The following XYLT1 variants were observed in gnomAD, a reference collection of about 807,000 sequenced individuals.
The protein encoded by XYLT1 is xylosyltransferase 1.
Under a neutral mutation model 91.3 loss-of-function variants are expected in XYLT1, and 36 were observed. The observed-to-expected ratio is 0.39, with a 90% CI of 0.30 to 0.52. The LOEUF is 0.52. Among genes scored for constraint, XYLT1 ranks in the 20% least tolerant of loss-of-function variants. The pLI, the probability that XYLT1 is intolerant of heterozygous loss-of-function variation, is 0.68. For synonymous variants in XYLT1, 588 were observed against 532.0 expected, an observed-to-expected ratio of 1.11 and a Z score of -1.45; for missense variants, 1,242 against 1,284.5, an observed-to-expected ratio of 0.97 and a Z score of 0.51.
At chr16:17,456,179 T>C (rs758535173) in intron 1 of XYLT1, among the ~76,000 whole-genome samples, 2 of 151,898 alleles carry the variant, frequency 1.3e-5, no homozygotes, top group Non-Finnish European at 2.9e-5. Context: ...TTCCTAGATG[T>C]CCACGTCCAC....
rs1007019245 is a variant in XYLT1 at position 17,380,687 on chromosome 16, A to G, written c.364-22637T>C. Reference sequence around the variant, plus strand: ...GTGAAAAGAAGGGGCTTGAACAGCTATTGGCATATCTGTGTTCAAAGCAGC... The same window carrying G: ...GTGAAAAGAAGGGGCTTGAACAGCTGTTGGCATATCTGTGTTCAAAGCAGC... On this transcript the variant is annotated intron_variant, in intron 1 of 11. Coordinates refer to ENST00000261381, the MANE Select transcript of XYLT1 (RefSeq NM_022166.4). Among the ~76,000 whole-genome samples the G allele has an allele frequency of 4.6e-5, 7 of 152,252 alleles. 1 individual carries two copies. The highest frequency in any genetic ancestry group is 2.9e-5 in the Non-Finnish European group (2 of 68,046).
intron 1 of XYLT1, among the ~76,000 whole-genome samples, chr16:17,418,466 A>G (rs1368087868): frequency 2.0e-5 from 3 of 152,196 alleles, no homozygotes; most frequent in Non-Finnish European, 2.9e-5. Context: ...TGGGAGGAAG[A>G]ATACAATATT....
intron 3 of XYLT1, among the ~76,000 whole-genome samples, chr16:17,240,858 GCA>G (rs1177640442): frequency 6.6e-6 from 1 of 152,172 alleles, no homozygotes; most frequent in Admixed American, 6.5e-5. Context: ...GAAAAATGAG[GCA>G]CACAGAGGTT....
chr16:17,133,025 C>T (rs1008442939), intron 9 of XYLT1, among the ~76,000 whole-genome samples: 8 of 152,170 alleles, frequency 5.3e-5, no homozygotes, highest in African/African-American at 1.9e-4. Flanking sequence ...AACCGAAGCT[C>T]AGAGAGATGA....
chr16:17,399,014 A>C (rs2035929136), intron 1 of XYLT1, among the ~76,000 whole-genome samples: 1 of 151,676 alleles, frequency 6.6e-6, no homozygotes, highest in African/African-American at 2.4e-5. Flanking sequence ...CTGGCTAATT[A>C]AAATGCCCCC....
chr16:17,159,016 C>T, intron 5 of XYLT1, 107 bp from the exon 6 acceptor site: 1 of 952,902 alleles, frequency 1.0e-6, no homozygotes, highest in Non-Finnish European at 1.7e-6. Flanking sequence ...AGCACCTTCT[C>T]TGATCATTTG....
chr16:17,264,430 T>C (rs983964740), intron 2 of XYLT1, among the ~76,000 whole-genome samples: 1 of 152,234 alleles, frequency 6.6e-6, no homozygotes, highest in Non-Finnish European at 1.5e-5. Context: ...GAAGCTAACA[T>C]CCATTGTGTG....
At chr16:17,196,729 C>A (rs1040025149) in intron 5 of XYLT1, among the ~76,000 whole-genome samples, 1 of 152,100 alleles carries the variant, frequency 6.6e-6, no homozygotes, top group African/African-American at 2.4e-5. Context: ...CCCTTGTCAG[C>A]AAATCCAGAT....
intron 11 of XYLT1, among the ~76,000 whole-genome samples, chr16:17,109,653 C>T (rs1966827298): frequency 6.6e-6 from 1 of 152,206 alleles, no homozygotes; most frequent in Admixed American, 6.5e-5. Context: ...TGGCTGTGCC[C>T]ATTTATTTGC....
chr16:17,300,078 G>A (rs2034371263), intron 2 of XYLT1, among the ~76,000 whole-genome samples: 1 of 152,136 alleles, frequency 6.6e-6, no homozygotes, highest in Non-Finnish European at 1.5e-5. Flanking sequence ...GGGGTGGGGA[G>A]CCCACAGCTA....
chr16:17,134,156 C>T (rs961092523), intron 9 of XYLT1, among the ~76,000 whole-genome samples: 7 of 152,142 alleles, frequency 4.6e-5, no homozygotes, highest in Non-Finnish European at 5.9e-5. Flanking sequence ...TTTGTACCTT[C>T]CACTTAAGAC....
At chr16:17,124,771 G>C (rs8046728) in intron 10 of XYLT1, among the ~76,000 whole-genome samples, 1 of 152,152 alleles carries the variant, frequency 6.6e-6, no homozygotes, top group South Asian at 2.1e-4. Context: ...CCCAAACTTC[G>C]TGAAGGCTTT....
chr16:17,170,316 G>A (rs879785456), intron 5 of XYLT1, among the ~76,000 whole-genome samples: 2 of 152,188 alleles, frequency 1.3e-5, no homozygotes, highest in Non-Finnish European at 2.9e-5. Context: ...TGTTCAAGTT[G>A]CTTGACTGTA....
intron 2 of XYLT1, among the ~76,000 whole-genome samples, chr16:17,272,848 C>T (rs7191291): frequency 0.25 from 38,188 of 152,130 alleles, 5,065 homozygotes; most frequent in Middle Eastern, 0.35. Flanking sequence ...AGCTTTGCCT[C>T]GGAGATCTCA....
intron 9 of XYLT1, among the ~76,000 whole-genome samples, chr16:17,132,359 A>G (rs1451015956): frequency 6.7e-6 from 1 of 148,390 alleles, no homozygotes; most frequent in African/African-American, 2.6e-5. Flanking sequence ...TGGTCCTTGG[A>G]TGGCTTTGTT....
intron 1 of XYLT1, among the ~76,000 whole-genome samples, chr16:17,435,938 G>A (rs749897163): frequency 6.6e-6 from 1 of 152,156 alleles, no homozygotes; most frequent in East Asian, 1.9e-4. Flanking sequence ...GTTTGGCTGT[G>A]TCCCCACCCA....
chr16:17,464,926 C>T (rs1488665037), intron 1 of XYLT1, among the ~76,000 whole-genome samples: 1 of 151,814 alleles, frequency 6.6e-6, no homozygotes, highest in Non-Finnish European at 1.5e-5. Context: ...GCGGGCGGAT[C>T]ACGAGGCCAG....
chr16:17,465,583 A>G (rs2036886112), intron 1 of XYLT1, among the ~76,000 whole-genome samples: 1 of 149,944 alleles, frequency 6.7e-6, no homozygotes, highest in South Asian at 2.1e-4. Context: ...AGCATTTAAT[A>G]ACCTAACGTA....
At chr16:17,236,528 A>G (rs1284980737) in intron 3 of XYLT1, among the ~76,000 whole-genome samples, 1 of 152,038 alleles carries the variant, frequency 6.6e-6, no homozygotes, top group Non-Finnish European at 1.5e-5. Flanking sequence ...GGTGATGCCC[A>G]TTGTAGTTTC....
Sources: gnomAD v4.1 joint callset for allele counts (sites outside exome capture counted in the v4.1 genomes callset) on GRCh38, gnomAD v4.1.1 for gene constraint, MANE v1.5 for transcripts, NCBI Gene and HGNC (gene_info 2026-07-23, HGNC 2026-07-21) for gene names.